PLCL2: variants seen among roughly 807,000 people sequenced by gnomAD.
The protein encoded by PLCL2 is inactive phospholipase C-like protein 2.
In PLCL2, 4 loss-of-function variants were observed where a neutral mutation model predicts 79.6. The ratio of observed to expected loss-of-function variants is 0.05; its 90% CI spans 0.02 to 0.11. The LOEUF is 0.11. Ranked by LOEUF, PLCL2 falls within the 10% of genes least tolerant of loss-of-function variation. The pLI, the probability that PLCL2 is intolerant of heterozygous loss-of-function variation, is 1.00. For synonymous variants in PLCL2, 484 were observed against 457.7 expected (o/e 1.06, Z -0.73); for missense variants, 895 against 1,291.0 (o/e 0.69, Z 4.70).
rs542838877 is a variant in PLCL2 at position 16,886,376 on chromosome 3, G to A, written c.327+1010G>A. On this transcript the variant is annotated intron_variant, in intron 1 of 5. Transcript: ENST00000615277. This position sits in a 1 kb window ranked among gnomAD's most constrained non-coding sequence, Gnocchi z 4.2. Reference sequence around the variant, plus strand: ...TTGACAGGCTGCACCCACCCTTCCTGTGGCTGATAACTGGTGGGAGGGCAG... The same window carrying A: ...TTGACAGGCTGCACCCACCCTTCCTATGGCTGATAACTGGTGGGAGGGCAG... Among the ~76,000 whole-genome samples, 8 of 152,346 alleles carry A rather than the reference G, an allele frequency of 5.3e-5. No individual in the cohort carries two copies. Among genetic ancestry groups the A allele is most frequent in the Admixed American group, 5.2e-4 (8 of 15,298 alleles).
intron 3 of PLCL2, among the ~76,000 whole-genome samples, chr3:17,022,956 C>T (rs115558422): frequency 1.6e-3 from 241 of 152,282 alleles, no homozygotes; most frequent in African/African-American, 5.4e-3. Flanking sequence ...GTAAAATGCT[C>T]AGTCTCTCTG....
chr3:17,060,433 G>C (rs1309403292), intron 4 of PLCL2, among the ~76,000 whole-genome samples: 1 of 152,092 alleles, frequency 6.6e-6, no homozygotes, highest in East Asian at 1.9e-4. Flanking sequence ...CAGATTGTTT[G>C]GGATGAAGGC....
At chr3:16,917,016 G>T (rs1304412989) in intron 1 of PLCL2, among the ~76,000 whole-genome samples, 1 of 152,142 alleles carries the variant, frequency 6.6e-6, no homozygotes, top group Non-Finnish European at 1.5e-5. Context: ...AGGTTGCCTG[G>T]CAGTAACTGG....
chr3:16,889,626 CTACT>C (rs1289756224), intron 1 of PLCL2, among the ~76,000 whole-genome samples: 1 of 152,186 alleles, frequency 6.6e-6, no homozygotes, highest in Non-Finnish European at 1.5e-5. Flanking sequence ...TGTCTTTATA[CTACT>C]ATGTTCACCT....
At chr3:17,052,832 T>G (rs1324526121) in intron 4 of PLCL2, among the ~76,000 whole-genome samples, 1 of 152,222 alleles carries the variant, frequency 6.6e-6, no homozygotes, top group African/African-American at 2.4e-5. Flanking sequence ...CTTAATGTTT[T>G]CTTTTCTTTA....
At chr3:17,055,859 G>A (rs928501574) in intron 4 of PLCL2, among the ~76,000 whole-genome samples, 8 of 152,174 alleles carry the variant, frequency 5.3e-5, no homozygotes, top group African/African-American at 1.9e-4. Context: ...ACTCAGGCAT[G>A]CACCAGCTGT....
chr3:17,051,729 A>G (rs1267541776), intron 4 of PLCL2, among the ~76,000 whole-genome samples: 1 of 152,208 alleles, frequency 6.6e-6, no homozygotes, highest in African/African-American at 2.4e-5. Flanking sequence ...ACCAGCTGCC[A>G]GTCTTTTGGT....
At chr3:16,986,202 C>G (rs1002594490) in intron 1 of PLCL2, among the ~76,000 whole-genome samples, 6 of 152,076 alleles carry the variant, frequency 3.9e-5, no homozygotes, top group African/African-American at 1.5e-4. Context: ...TTCTTAGCCT[C>G]CCTGAGTATT....
At position 17,090,194 on chromosome 3, in the gene PLCL2, C is replaced by G; in HGVS notation, c.*282C>G. Reference sequence around the variant, plus strand: ...CCAGTATGAAGAAAGATTATTCACTCTAGCTCCACTGAGAAACATTTTCCT... The same window carrying G: ...CCAGTATGAAGAAAGATTATTCACTGTAGCTCCACTGAGAAACATTTTCCT... On this transcript the variant is annotated 3_prime_UTR_variant, in exon 6 of 6. Coordinates refer to ENST00000615277, the MANE Select transcript of PLCL2 (RefSeq NM_001144382.2). The G allele has an allele frequency of 9.2e-7, 1 of 1,086,536 alleles. No individual in the cohort carries two copies. Among genetic ancestry groups the G allele is most frequent in the South Asian group, 4.4e-5 (1 of 22,718 alleles). The allele number at this position is 1,086,536 out of a possible 1,614,324, so 67.3% of individuals were successfully genotyped here.
chr3:16,972,045 T>A (rs921073361), intron 1 of PLCL2, among the ~76,000 whole-genome samples: 15 of 151,898 alleles, frequency 9.9e-5, no homozygotes, highest in African/African-American at 3.4e-4. Context: ...TAATAAGAGC[T>A]ATCTATGACA....
intron 1 of PLCL2, among the ~76,000 whole-genome samples, chr3:16,897,754 CT>C (rs1384999914): frequency 1.3e-5 from 2 of 152,186 alleles, no homozygotes; most frequent in Non-Finnish European, 2.9e-5. Context: ...TGAATGTGTA[CT>C]TTCTGAATGC....
At chr3:16,888,894 A>T (rs1343092479) in intron 1 of PLCL2, among the ~76,000 whole-genome samples, 1 of 152,216 alleles carries the variant, frequency 6.6e-6, no homozygotes, top group Non-Finnish European at 1.5e-5. Context: ...AGTAAAATTC[A>T]CACTGGTTTG....
intron 4 of PLCL2, among the ~76,000 whole-genome samples, chr3:17,045,649 G>A (rs1246306873): frequency 6.6e-6 from 1 of 152,178 alleles, no homozygotes; most frequent in Non-Finnish European, 1.5e-5. Context: ...GTGACACAGA[G>A]AGTTGGGGTA....
intron 5 of PLCL2, 49 bp downstream of exon 5, chr3:17,068,114 G>C: frequency 1.0e-6 from 1 of 977,812 alleles, no homozygotes; most frequent in Non-Finnish European, 1.6e-6. Flanking sequence ...GCCTCTTTCA[G>C]CATGCTTCCC....
Position 17,011,318 on chromosome 3 carries a change from A to C in PLCL2, c.1972A>C (p.Asn658His), listed in dbSNP as rs1285283277. 6.2e-7 allele frequency: 1 copy of C among 1,614,096 alleles called. No homozygotes were observed. The highest frequency in any genetic ancestry group is 8.5e-7 in the Non-Finnish European group (1 of 1,180,046). The change falls in exon 2 of 6, where the codon AAT (asparagine) becomes CAT (histidine). Residue 658 changes from asparagine (N) to histidine (H), a missense_variant. Physicochemically the swap from Asn to His is moderately conservative, Grantham distance 68 (BLOSUM62 1). This residue lies in a region of PLCL2 where 242 missense variants were observed against 399.5 expected (regional missense o/e 0.61). Transcript: ENST00000615277. The surrounding 1 kb of genome is among the most constrained non-coding windows in gnomAD (Gnocchi z 7.9). The stretch of plus-strand genomic sequence containing the variant: ...TGAAGTGCTTGCCAGCAAGTACGCC[A>C]ATGAAAATCCAGGGGACTTTGTAAA... ...FNEVLASKYA[N>H]ENPGDFVNYN...
At chr3:16,919,967 T>C (rs1437718075) in intron 1 of PLCL2, among the ~76,000 whole-genome samples, 3 of 152,190 alleles carry the variant, frequency 2.0e-5, no homozygotes, top group Admixed American at 6.5e-5. Context: ...ATACCACATA[T>C]ATGGCATCTG....
intron 2 of PLCL2, among the ~76,000 whole-genome samples, 153 bp from the exon 3 acceptor site, chr3:17,014,555 A>G (rs1238209620): frequency 1.3e-5 from 2 of 152,232 alleles, no homozygotes; most frequent in African/African-American, 4.8e-5. Context: ...CATTTTTCCC[A>G]GGATAAAACA....
chr3:16,924,809 G>T (rs937190344), intron 1 of PLCL2, among the ~76,000 whole-genome samples: 3 of 152,078 alleles, frequency 2.0e-5, no homozygotes, highest in Non-Finnish European at 4.4e-5. Flanking sequence ...AAATAACCAC[G>T]ATAGTCTTAA....
chr3:16,908,465 T>C (rs1383209859), intron 1 of PLCL2, among the ~76,000 whole-genome samples: 1 of 152,230 alleles, frequency 6.6e-6, no homozygotes, highest in African/African-American at 2.4e-5. Flanking sequence ...GTCTCTTTTT[T>C]CTTTTAATGT....
Sources: allele counts gnomAD v4.1 joint callset (sites outside exome capture counted in the v4.1 genomes callset), GRCh38; gene constraint gnomAD v4.1.1; regional missense constraint gnomAD v4.1.1; non-coding constraint Gnocchi (gnomAD v3.1); transcripts MANE v1.5; gene names NCBI Gene and HGNC (gene_info 2026-07-23, HGNC 2026-07-21).